Variants in VKORC1L1 observed in about 807,000 individuals in gnomAD.
VKORC1L1 encodes vitamin K epoxide reductase complex subunit 1-like protein 1.
In VKORC1L1, 2 loss-of-function variants were observed where a neutral mutation model predicts 18.9. The observed-to-expected ratio is 0.11, with a 90% confidence interval of 0.04 to 0.33. The LOEUF is 0.33. VKORC1L1 is among the 10% of genes least tolerant of loss of function. The probability of loss-of-function intolerance (pLI) is 1.00; values close to 1 mark genes in which losing one functional copy is unlikely to be tolerated. For synonymous variants in VKORC1L1, 96 were observed against 100.0 expected, an observed-to-expected ratio of 0.96 and a Z score of 0.24; for missense variants, 123 against 224.1, an observed-to-expected ratio of 0.55 and a Z score of 2.88.
In VKORC1L1 at chr7:65,900,042, CGTGTGTGTGTGTGTGTGTGTGTGT is replaced by C. The variant is rs58269522; in HGVS notation, c.194+26500_194+26523del. ...TTGTGCGTGTGTGCATGTGCACGCA[CGTGTGTGTGTGTGTGTGTGTGTGT>C]GTGTGTGTGTGTGTGTGTGTGTATT... On this transcript the variant is annotated intron_variant, in intron 1 of 2. Transcript: ENST00000360768. Among the ~76,000 whole-genome samples the C allele has an allele frequency of 8.9e-4, 125 of 140,818 alleles. 2 individuals are homozygous for C. The highest frequency in any genetic ancestry group is 6.8e-3 in the South Asian group (29 of 4,268). 92.4% of individuals were successfully genotyped at this position (140,818 alleles called of 152,430 possible). A position where few individuals can be genotyped will look rare whatever the true frequency, so the allele number is the denominator to read the frequency against.
At position 65,873,171 on chromosome 7, in the gene VKORC1L1, T is replaced by A. The variant is rs1421806881; in HGVS notation, c.-201T>A. 1 of 575,512 alleles carries A rather than the reference T, an allele frequency of 1.7e-6. No individual in the cohort carries two copies. The highest frequency in any genetic ancestry group is 1.5e-4 in the East Asian group (1 of 6,752). The allele number at this position is 575,512 out of a possible 1,614,324, so 35.7% of individuals were successfully genotyped here. ...TTCCCCGCCCCGTCCGCCTCACTCC[T>A]TTTGGGGCGGTTGGGCCGCGCGCCT... On this transcript the variant is annotated 5_prime_UTR_variant, in exon 1 of 3. Coordinates refer to ENST00000360768, the MANE Select transcript of VKORC1L1 (RefSeq NM_173517.6).
chr7:65,896,820 G>A (rs1789221689), intron 1 of VKORC1L1, among the ~76,000 whole-genome samples: 1 of 152,098 alleles, frequency 6.6e-6, no homozygotes, highest in Non-Finnish European at 1.5e-5. Context: ...GGCCAACAAG[G>A]TGAAACTGTC....
At position 65,880,237 on chromosome 7, in the gene VKORC1L1, A is replaced by G. The variant is rs558650848; in HGVS notation, c.194+6672A>G. 1.6e-4 allele frequency among the ~76,000 whole-genome samples: 24 copies of G among 152,268 alleles called. 1 individual carries two copies. In the East Asian group the frequency reaches 3.1e-3, roughly 20 times the overall value. On this transcript the variant is annotated intron_variant, in intron 1 of 2. Coordinates refer to ENST00000360768, the MANE Select transcript of VKORC1L1 (RefSeq NM_173517.6). ...AACCAGATTTTTTAAATATGCAAACAATGGTGCCAGTTTCTGTATCTATGT... is the reference window on the plus strand; with the variant it reads ...AACCAGATTTTTTAAATATGCAAACGATGGTGCCAGTTTCTGTATCTATGT...
At chr7:65,890,985 C>A (rs983431541) in intron 1 of VKORC1L1, among the ~76,000 whole-genome samples, 3 of 152,170 alleles carry the variant, frequency 2.0e-5, no homozygotes, top group Non-Finnish European at 4.4e-5. Context: ...GCTATTCTAA[C>A]CACACTGTTT....
the VKORC1L1 span, among the ~76,000 whole-genome samples, chr7:65,867,129 G>A: frequency 3.3e-5 from 5 of 152,168 alleles, no homozygotes; most frequent in African/African-American, 1.2e-4. Context: ...AGAGGTTGCA[G>A]TGAGCTGAGA....
intron 1 of VKORC1L1, among the ~76,000 whole-genome samples, chr7:65,898,855 C>T (rs1471759034): frequency 2.0e-5 from 3 of 152,172 alleles, no homozygotes; most frequent in East Asian, 3.9e-4. Flanking sequence ...AGTCACCATT[C>T]TACTTTCTGT....
chr7:65,954,457 C>A lies in VKORC1L1; in HGVS notation c.*157C>A. 1 of 1,244,672 alleles carries A rather than the reference C, an allele frequency of 8.0e-7. No individual in the cohort carries two copies. Among genetic ancestry groups the A allele is most frequent in the Non-Finnish European group, 1.1e-6 (1 of 945,588 alleles). The allele number at this position is 1,244,672 out of a possible 1,614,324, so 77.1% of individuals were successfully genotyped here. A position where few individuals can be genotyped will look rare whatever the true frequency, so the allele number is the denominator to read the frequency against. The stretch of plus-strand genomic sequence containing the variant: ...TAAAAATCCGGTAAATTAGAAGGGG[C>A]CCTCGCTATTTTCTGTGTCAGTCTT... On this transcript the variant is annotated 3_prime_UTR_variant, in exon 3 of 3. Transcript: ENST00000360768.
At chr7:65,875,235 C>G (rs1035107162) in intron 1 of VKORC1L1, among the ~76,000 whole-genome samples, 1 of 151,890 alleles carries the variant, frequency 6.6e-6, no homozygotes, top group East Asian at 1.9e-4. Context: ...TATAAACTAC[C>G]CATTTAATAA....
chr7:65,892,098 T>C (rs1789119026), intron 1 of VKORC1L1, among the ~76,000 whole-genome samples: 2 of 152,234 alleles, frequency 1.3e-5, no homozygotes, highest in African/African-American at 4.8e-5. Flanking sequence ...TTTATCCATA[T>C]TGTTGAAAAT....
chr7:65,878,687 G>A (rs1418865180), intron 1 of VKORC1L1, among the ~76,000 whole-genome samples: 4 of 152,052 alleles, frequency 2.6e-5, no homozygotes, highest in African/African-American at 7.2e-5. Flanking sequence ...GGCGGATCAC[G>A]AGGTCGGGAG....
chr7:65,875,579 T>G (rs1788813810), intron 1 of VKORC1L1, among the ~76,000 whole-genome samples: 2 of 152,012 alleles, frequency 1.3e-5, no homozygotes, highest in African/African-American at 4.8e-5. Flanking sequence ...CACAACGCCC[T>G]GCTAATTTTT....
intron 2 of VKORC1L1, among the ~76,000 whole-genome samples, chr7:65,949,856 A>G (rs963670101): frequency 1.3e-5 from 2 of 152,256 alleles, no homozygotes; most frequent in African/African-American, 4.8e-5. Flanking sequence ...GTTAACATCT[A>G]GGTTTCACTC....
upstream of VKORC1L1, among the ~76,000 whole-genome samples, chr7:65,872,683 A>T (rs1788741133): frequency 6.6e-6 from 1 of 151,850 alleles, no homozygotes; most frequent in Non-Finnish European, 1.5e-5. Flanking sequence ...TTGCACATTA[A>T]AAAAAAAGTT....
chr7:65,918,092 G>T (rs1789617570), intron 1 of VKORC1L1, among the ~76,000 whole-genome samples: 1 of 152,140 alleles, frequency 6.6e-6, no homozygotes, highest in Non-Finnish European at 1.5e-5. Flanking sequence ...AACCCTAAAG[G>T]TTTCATCATG....
At chr7:65,872,945 C>CCCGCCCCTCTCTGGCT (rs1022403659), upstream of VKORC1L1, among the ~76,000 whole-genome samples, 3 of 151,162 alleles carry the variant, frequency 2.0e-5, no homozygotes, top group Non-Finnish European at 4.4e-5. Context: ...CCCGCTCGGC[C>CCCGCCCCTCTCTGGCT]CCGCCCCTCT....
At chr7:65,910,352 A>ACTG (rs59458620) in intron 1 of VKORC1L1, among the ~76,000 whole-genome samples, 16,628 of 151,950 alleles carry the variant, frequency 0.11, 1,055 homozygotes, top group South Asian at 0.2. Context: ...GTTTAGTTCA[A>ACTG]CTGACATTTT....
intron 1 of VKORC1L1, among the ~76,000 whole-genome samples, chr7:65,919,668 G>A (rs1789643570): frequency 2.0e-5 from 3 of 152,130 alleles, no homozygotes; most frequent in Admixed American, 2.0e-4. Flanking sequence ...CATGCTCTCT[G>A]CTGGGATCAT....
At position 65,873,166 on chromosome 7, in the gene VKORC1L1, A is replaced by T; in HGVS notation, c.-206A>T. On this transcript the variant is annotated 5_prime_UTR_variant, in exon 1 of 3. Coordinates refer to ENST00000360768, the MANE Select transcript of VKORC1L1 (RefSeq NM_173517.6). ...GCGCCTTCCCCGCCCCGTCCGCCTCACTCCTTTTGGGGCGGTTGGGCCGCG... is the reference window on the plus strand; with the variant it reads ...GCGCCTTCCCCGCCCCGTCCGCCTCTCTCCTTTTGGGGCGGTTGGGCCGCG... 3.7e-6 allele frequency: 2 copies of T among 546,572 alleles called. No individual in the cohort carries two copies. Among genetic ancestry groups the T allele is most frequent in the Non-Finnish European group, 4.6e-6 (2 of 431,238 alleles). The allele number at this position is 546,572 out of a possible 1,614,324, so 33.9% of individuals were successfully genotyped here.
At chr7:65,914,026 G>A (rs1789546488) in intron 1 of VKORC1L1, among the ~76,000 whole-genome samples, 3 of 152,182 alleles carry the variant, frequency 2.0e-5, no homozygotes, top group South Asian at 2.1e-4. Context: ...TATTTCTTGA[G>A]TTTAGAGGCA....
Sources: allele counts gnomAD v4.1 joint callset (sites outside exome capture counted in the v4.1 genomes callset), GRCh38; gene constraint gnomAD v4.1.1; transcripts MANE v1.5; gene names NCBI Gene and HGNC (gene_info 2026-07-23, HGNC 2026-07-21).